The following SYK variants were observed in gnomAD, a reference collection of about 807,000 sequenced individuals.
SYK encodes the protein spleen associated tyrosine kinase.
Under a neutral mutation model 77.8 loss-of-function variants are expected in SYK, and 16 were observed. The ratio of observed to expected loss-of-function variants is 0.21; its 90% CI spans 0.14 to 0.31. The LOEUF is 0.31. SYK is among the 10% of genes least tolerant of loss of function. The probability of loss-of-function intolerance (pLI) is 1.00; values close to 1 mark genes in which losing one functional copy is unlikely to be tolerated. For synonymous variants in SYK, 312 were observed against 308.7 expected, an observed-to-expected ratio of 1.01 and a Z score of -0.11; for missense variants, 529 against 814.4, an observed-to-expected ratio of 0.65 and a Z score of 4.26.
chr9:90,870,191 T>C (rs899319714), intron 7 of SYK, among the ~76,000 whole-genome samples: 2 of 152,238 alleles, frequency 1.3e-5, no homozygotes, highest in Non-Finnish European at 2.9e-5. Flanking sequence ...CTAGTAGTCT[T>C]TAAATGAATT....
intron 1 of SYK, among the ~76,000 whole-genome samples, chr9:90,812,766 TGTGTGTGTGTGTGAGAGAGA>T (rs1477745376): frequency 8.9e-5 from 8 of 89,540 alleles, no homozygotes; most frequent in South Asian, 4.6e-4. Context: ...TGTGTGTGTG[TGTGTGTGTGTGTGAGAGAGA>T]GAGATTGAGA....
chr9:90,807,778 C>T (rs1460834), intron 1 of SYK, among the ~76,000 whole-genome samples: 1 of 152,062 alleles, frequency 6.6e-6, no homozygotes, highest in Non-Finnish European at 1.5e-5. Flanking sequence ...TCAGATACAG[C>T]GAGCAACAGA....
intron 1 of SYK, among the ~76,000 whole-genome samples, chr9:90,803,491 CT>C (rs1487957016): frequency 6.6e-6 from 1 of 151,968 alleles, no homozygotes; most frequent in Non-Finnish European, 1.5e-5. Flanking sequence ...GGGGTGTATA[CT>C]TTAGGTCTTT....
Position 90,844,113 on chromosome 9 carries a change from G to A in SYK, c.215G>A (p.Gly72Asp), listed in dbSNP as rs200175081. Residue 72 changes from glycine (G) to aspartate (D), a missense_variant, in exon 2 of 14, where the codon GGC becomes GAC. Coordinates refer to ENST00000375754, the MANE Select transcript of SYK (RefSeq NM_003177.7). ...TACACCATCGAGCGGGAGCTGAATG[G>A]CACCTACGCCATCGCCGGTGGCAGG... ...HHYTIERELN[G>D]TYAIAGGRTH... is the part of the protein sequence containing the mutation. 4.3e-6 allele frequency: 7 copies of A among 1,613,634 alleles called. No homozygotes were observed. In the South Asian group the frequency reaches 7.7e-5, roughly 18 times the overall value.
Position 90,897,810 on chromosome 9 carries a change from T to C in SYK, c.*2210T>C, listed in dbSNP as rs1011248203. 1 of 223,002 alleles carries C rather than the reference T, an allele frequency of 4.5e-6. No homozygotes were observed. Among genetic ancestry groups the C allele is most frequent in the Non-Finnish European group, 9.0e-6 (1 of 111,714 alleles). 13.8% of individuals were successfully genotyped at this position (223,002 alleles called of 1,614,324 possible). The stretch of plus-strand genomic sequence containing the variant: ...CTCTGCTTGGTGGAGCAGGCACCTG[T>C]GTGCAGAATTCCCACTGTGGCCAGC... On this transcript the variant is annotated 3_prime_UTR_variant, in exon 14 of 14. Coordinates refer to ENST00000375754, the MANE Select transcript of SYK (RefSeq NM_003177.7).
At chr9:90,826,357 T>C (rs141217244) in intron 1 of SYK, among the ~76,000 whole-genome samples, 1 of 152,388 alleles carries the variant, frequency 6.6e-6, no homozygotes, top group East Asian at 1.9e-4. Context: ...CAAGTACTCA[T>C]GGAATAGCTG....
At chr9:90,871,398 A>G (rs1043731298) in intron 7 of SYK, among the ~76,000 whole-genome samples, 18 of 152,242 alleles carry the variant, frequency 1.2e-4, no homozygotes, top group Admixed American at 8.5e-4. Context: ...GTTAATAGTA[A>G]TGTAGACCGG....
At chr9:90,845,099 C>T (rs1293551551) in intron 2 of SYK, among the ~76,000 whole-genome samples, 1 of 152,122 alleles carries the variant, frequency 6.6e-6, no homozygotes, top group Non-Finnish European at 1.5e-5. Context: ...CCACACCTGG[C>T]TAATTTTTGT....
intron 4 of SYK, among the ~76,000 whole-genome samples, chr9:90,863,288 C>T (rs1347096711): frequency 6.6e-6 from 1 of 152,162 alleles, no homozygotes; most frequent in Admixed American, 6.5e-5. Flanking sequence ...CCCCAGAGCA[C>T]CAGCTACCTT....
At chr9:90,827,519 C>T (rs1262188253) in intron 1 of SYK, 2 of 152,184 alleles carry the variant, frequency 1.3e-5, no homozygotes, top group Non-Finnish European at 2.9e-5. Flanking sequence ...CTTCCCTTCC[C>T]ACATTCTATA....
At chr9:90,853,786 G>A (rs1252161187) in intron 3 of SYK, among the ~76,000 whole-genome samples, 2 of 151,994 alleles carry the variant, frequency 1.3e-5, no homozygotes, top group Non-Finnish European at 2.9e-5. Flanking sequence ...ACAAGTTAAT[G>A]GGTGCAGCAC....
At position 90,844,327 on chromosome 9, in the gene SYK, CT is replaced by C; in HGVS notation, c.417+13del. 1 of 1,583,392 alleles carries C rather than the reference CT, an allele frequency of 6.3e-7. No individual in the cohort carries two copies. Among genetic ancestry groups the C allele is most frequent in the Non-Finnish European group, 8.6e-7 (1 of 1,165,298 alleles). On this transcript the variant is annotated intron_variant, in intron 2 of 13. Coordinates refer to ENST00000375754, the MANE Select transcript of SYK (RefSeq NM_003177.7). Reference sequence around the variant, plus strand: ...CATGGAACCTGCAGGTGGGCCACAGCTGGTCCTGCTCCCTGGGCCCAGGGGG... The same window carrying C: ...CATGGAACCTGCAGGTGGGCCACAGCGGTCCTGCTCCCTGGGCCCAGGGGG...
At chr9:90,883,029 G>T (rs1456112752) in intron 11 of SYK, among the ~76,000 whole-genome samples, 1 of 152,150 alleles carries the variant, frequency 6.6e-6, no homozygotes, top group Non-Finnish European at 1.5e-5. Flanking sequence ...AACTCACGCT[G>T]AGTCCCACAG....
intron 9 of SYK, among the ~76,000 whole-genome samples, chr9:90,875,405 A>G (rs1158025067): frequency 6.9e-6 from 1 of 144,904 alleles, no homozygotes; most frequent in Non-Finnish European, 1.5e-5. Flanking sequence ...CCTGTTTCAA[A>G]AAACAAAACA....
rs140622150 is a variant in SYK, at chr9:90,892,194, G to A, written c.1836-3334G>A. Among the ~76,000 whole-genome samples, 124 of 152,306 alleles carry A rather than the reference G, an allele frequency of 8.1e-4. 3 individuals carry two copies. The East Asian group carries it at 0.023, about 28-fold the overall frequency. On this transcript the variant is annotated intron_variant, in intron 13 of 13. Transcript: ENST00000375754. ...CCATACATTTAAGGAGAAATGACAGGACAAATAAAATCTGGCTAGAAGGAG... is the reference window on the plus strand; with the variant it reads ...CCATACATTTAAGGAGAAATGACAGAACAAATAAAATCTGGCTAGAAGGAG...
chr9:90,830,753 T>A (rs1378796052), intron 1 of SYK, among the ~76,000 whole-genome samples: 1 of 151,934 alleles, frequency 6.6e-6, no homozygotes, highest in Non-Finnish European at 1.5e-5. Flanking sequence ...GCCTGGCTAA[T>A]TTTTTGTATT....
rs1828419761 is a variant in SYK at position 90,884,737 on chromosome 9, A to G, written c.1582-3012A>G. 1.4e-4 allele frequency among the ~76,000 whole-genome samples: 4 copies of G among 28,252 alleles called. 2 individuals are homozygous for G. Among genetic ancestry groups the G allele is most frequent in the Admixed American group, 7.5e-4 (2 of 2,666 alleles). The allele number at this position is 28,252 out of a possible 152,430, so 18.5% of individuals were successfully genotyped here. A position where few individuals can be genotyped will look rare whatever the true frequency, so the allele number is the denominator to read the frequency against. On this transcript the variant is annotated intron_variant, in intron 11 of 13. Transcript: ENST00000375754. ...CACATATACACATATGTGTACATGT[A>G]CATATACACATATACACATATGTGT...
At chr9:90,887,166 G>A (rs1451983251) in intron 11 of SYK, among the ~76,000 whole-genome samples, 1 of 152,166 alleles carries the variant, frequency 6.6e-6, no homozygotes, top group East Asian at 1.9e-4. Flanking sequence ...TAGGTTCCCT[G>A]CCTCCAGGCC....
At chr9:90,847,494 T>C (rs1260999729) in intron 3 of SYK, among the ~76,000 whole-genome samples, 1 of 152,218 alleles carries the variant, frequency 6.6e-6, no homozygotes, top group African/African-American at 2.4e-5. Context: ...TCCCAGATAA[T>C]AGCTTCCAAG....
Sources: allele counts gnomAD v4.1 joint callset (sites outside exome capture counted in the v4.1 genomes callset), GRCh38; gene constraint gnomAD v4.1.1; transcripts MANE v1.5; gene names NCBI Gene and HGNC (gene_info 2026-07-23, HGNC 2026-07-21).